Variants in SMARCA5 observed in about 807,000 individuals in gnomAD.
SMARCA5 encodes the protein SNF2 related chromatin remodeling ATPase 5.
In SMARCA5, 18 loss-of-function variants were observed where a neutral mutation model predicts 140.4. The observed-to-expected ratio is 0.13, with a 90% CI of 0.09 to 0.19. The LOEUF (loss-of-function observed/expected upper bound fraction) is 0.19. SMARCA5 is among the 10% of genes least tolerant of loss of function. The pLI is 1.00. For synonymous variants in SMARCA5, 449 were observed against 419.6 expected, an observed-to-expected ratio of 1.07 and a Z score of -0.86; for missense variants, 606 against 1,276.8, an observed-to-expected ratio of 0.47 and a Z score of 8.01.
chr4:143,546,057 T>G lies in SMARCA5; in HGVS notation c.2520+10T>G, dbSNP rs1426925500. 1 of 1,583,242 alleles carries G rather than the reference T, an allele frequency of 6.3e-7. No homozygotes were observed. The highest frequency in any genetic ancestry group is 1.2e-5 in the South Asian group (1 of 86,106). ...GAAGCTTCTAACACAGGTATAGCCT[T>G]TAATCAGTACAAACTTTAGTAACAG... On this transcript the variant is annotated intron_variant, in intron 19 of 23. Transcript: ENST00000283131.
At position 143,555,016 on chromosome 4, in the gene SMARCA5, A is replaced by T; in HGVS notation, c.*1832A>T. On this transcript the variant is annotated 3_prime_UTR_variant, in exon 24 of 24. Coordinates refer to ENST00000283131, the MANE Select transcript of SMARCA5 (RefSeq NM_003601.4). ...TGGCCAAGTTCACAAATCTGTTTTA[A>T]CCTGTCACTTCCCTGTCACTTCTCT... 1 of 505,966 alleles carries T rather than the reference A, an allele frequency of 2.0e-6. No homozygotes were observed. Among genetic ancestry groups the T allele is most frequent in the Non-Finnish European group, 3.8e-6 (1 of 263,896 alleles). 31.3% of individuals were successfully genotyped at this position (505,966 alleles called of 1,614,324 possible).
intron 19 of SMARCA5, 92 bp from the exon 20 acceptor site, chr4:143,546,684 T>C (rs1244235336): frequency 4.1e-6 from 5 of 1,215,424 alleles, no homozygotes; most frequent in Non-Finnish European, 5.7e-6. Flanking sequence ...CTAGTGAAAA[T>C]TTGTTTTTGT....
rs1261886307 is a variant in SMARCA5, at chr4:143,556,872, TA to T, written c.*3689del. On this transcript the variant is annotated 3_prime_UTR_variant, in exon 24 of 24. Transcript: ENST00000283131. Reference sequence around the variant, plus strand: ...CTTTACAGTAGTTACCAGAAAAGACTATGCTACAAGAACCAAAATTGAAGTA... The same window carrying T: ...CTTTACAGTAGTTACCAGAAAAGACTTGCTACAAGAACCAAAATTGAAGTA... The T allele has an allele frequency of 2.6e-5, 4 of 152,306 alleles. No individual in the cohort carries two copies. The highest frequency in any genetic ancestry group is 9.6e-5 in the African/African-American group (4 of 41,574). 9.4% of individuals were successfully genotyped at this position (152,306 alleles called of 1,614,324 possible).
In SMARCA5 at chr4:143,546,691, T is replaced by G; in HGVS notation, c.2521-85T>G. The G allele has an allele frequency of 2.3e-6, 3 of 1,317,580 alleles. No homozygotes were observed. The South Asian group carries it at 4.5e-5, about 20-fold the overall frequency. The allele number at this position is 1,317,580 out of a possible 1,614,324, so 81.6% of individuals were successfully genotyped here. A position where few individuals can be genotyped will look rare whatever the true frequency, so the allele number is the denominator to read the frequency against. ...TTAATAAACTAGTGAAAATTTGTTT[T>G]TGTAATATTTAGAAGGTTTGCTAAT... On this transcript the variant is annotated intron_variant, in intron 19 of 23. Transcript: ENST00000283131.
Position 143,536,390 on chromosome 4 carries a change from A to G in SMARCA5, c.1269-62A>G. The G allele has an allele frequency of 3.6e-6, 4 of 1,118,706 alleles. No individual in the cohort carries two copies. In the South Asian group the frequency reaches 3.8e-5, roughly 11 times the overall value. 69.3% of individuals were successfully genotyped at this position (1,118,706 alleles called of 1,614,324 possible). ...ATGTGGGGAAGGGGATTAAGTATGTAAAGTGGCAGGGATTGATCAAGGAAC... is the reference window on the plus strand; with the variant it reads ...ATGTGGGGAAGGGGATTAAGTATGTGAAGTGGCAGGGATTGATCAAGGAAC... On this transcript the variant is annotated intron_variant, in intron 10 of 23. Transcript: ENST00000283131.
Position 143,557,397 on chromosome 4 carries a change from GT to G in SMARCA5, c.*4218del, listed in dbSNP as rs1349535618. The G allele has an allele frequency of 7.2e-5, 11 of 152,168 alleles. No individual in the cohort carries two copies. Among genetic ancestry groups the G allele is most frequent in the African/African-American group, 2.7e-4 (11 of 41,444 alleles). The allele number at this position is 152,168 out of a possible 1,614,324, so 9.4% of individuals were successfully genotyped here. A position where few individuals can be genotyped will look rare whatever the true frequency, so the allele number is the denominator to read the frequency against. ...TTTTTGATGTAGACAACCCAAAGGAGTTTTTATGTATATAGATTGTGAATAA... is the reference window on the plus strand; with the variant it reads ...TTTTTGATGTAGACAACCCAAAGGAGTTTTATGTATATAGATTGTGAATAA... On this transcript the variant is annotated 3_prime_UTR_variant, in exon 24 of 24. Transcript: ENST00000283131.
intron 20 of SMARCA5, 24 bp from the exon 21 acceptor site, chr4:143,547,361 G>A: frequency 8.7e-7 from 1 of 1,155,480 alleles, no homozygotes; most frequent in South Asian, 1.3e-5. Flanking sequence ...TAAATGATTT[G>A]TTTACTTTGT....
chr4:143,526,849 G>T (rs1056044944), intron 6 of SMARCA5, among the ~76,000 whole-genome samples: 29 of 151,466 alleles, frequency 1.9e-4, no homozygotes, highest in African/African-American at 6.3e-4. Context: ...GGGCAACAAA[G>T]CAAGACCATC....
intron 16 of SMARCA5, chr4:143,544,267 A>G: frequency 1.0e-5 from 2 of 197,778 alleles, no homozygotes; most frequent in Non-Finnish European, 2.0e-5. Context: ...TTTATTTTAA[A>G]CAGCAGAATT....
chr4:143,531,934 T>C (rs1737195164), intron 9 of SMARCA5, among the ~76,000 whole-genome samples: 1 of 152,212 alleles, frequency 6.6e-6, no homozygotes, highest in Non-Finnish European at 1.5e-5. Flanking sequence ...GTATTCCATC[T>C]TTAACAATCT....
intron 8 of SMARCA5, 138 bp downstream of exon 8, chr4:143,528,852 C>G: frequency 3.1e-6 from 2 of 635,684 alleles, no homozygotes; most frequent in Non-Finnish European, 5.0e-6. Flanking sequence ...CATAGTTAGC[C>G]TGGTGTTATC....
chr4:143,514,431 A>C, intron 1 of SMARCA5: 2 of 271,788 alleles, frequency 7.4e-6, no homozygotes, highest in South Asian at 6.9e-5. Context: ...GACTCCCATA[A>C]TTCCCTCTCC....
At chr4:143,548,775 G>C (rs991010736) in intron 22 of SMARCA5, among the ~76,000 whole-genome samples, 1 of 152,006 alleles carries the variant, frequency 6.6e-6, no homozygotes, top group South Asian at 2.1e-4. Flanking sequence ...AAGTTCTTTA[G>C]TCTTAAGTTT....
chr4:143,529,889 C>CT (rs1035363480), intron 8 of SMARCA5, among the ~76,000 whole-genome samples: 17 of 152,098 alleles, frequency 1.1e-4, no homozygotes, highest in Non-Finnish European at 1.0e-4. Flanking sequence ...TACATTGACA[C>CT]TTTCATTTAC....
At chr4:143,517,463 G>T (rs748291151) in intron 2 of SMARCA5, 34 bp downstream of exon 2, 2 of 1,408,572 alleles carry the variant, frequency 1.4e-6, no homozygotes, top group Admixed American at 2.2e-5. Flanking sequence ...AGTCTATAAG[G>T]AAAACTTTTT....
chr4:143,544,786 A>G lies in SMARCA5; in HGVS notation c.2222A>G (p.Asn741Ser), dbSNP rs373394057. ...IEPPKRERKANYAVDAYFREA... is the reference protein window; with the variant it reads ...IEPPKRERKASYAVDAYFREA... ...CCACCTAAACGAGAAAGAAAAGCCA[A>G]CTATGCCGTTGATGCATATTTCAGG... The change falls in exon 17 of 24, where the codon AAC (asparagine) becomes AGC (serine). Residue 741 changes from asparagine to serine, a missense_variant. Physicochemically the swap from Asn to Ser is conservative, Grantham distance 46 (BLOSUM62 1). Transcript: ENST00000283131. The G allele has an allele frequency of 8.7e-6, 14 of 1,613,446 alleles. No homozygotes were observed. The highest frequency in any genetic ancestry group is 1.2e-5 in the Non-Finnish European group (14 of 1,179,648).
At chr4:143,533,123 C>G (rs1737232923) in intron 9 of SMARCA5, among the ~76,000 whole-genome samples, 1 of 152,098 alleles carries the variant, frequency 6.6e-6, no homozygotes, top group African/African-American at 2.4e-5. Context: ...AATGAGTGAA[C>G]TACTACTACA....
At chr4:143,521,388 T>A in intron 2 of SMARCA5, 41 bp from the exon 3 acceptor site, 1 of 1,466,366 alleles carries the variant, frequency 6.8e-7, no homozygotes, top group Non-Finnish European at 9.4e-7. Context: ...AAGTTTTAAT[T>A]GATACTCTGA....
At chr4:143,536,828 C>T in intron 11 of SMARCA5, 150 bp downstream of exon 11, 1 of 628,126 alleles carries the variant, frequency 1.6e-6, no homozygotes, top group Non-Finnish European at 2.9e-6. Context: ...TGAGCTCTAA[C>T]CCCCACTCCT....
Sources: allele counts gnomAD v4.1 joint callset (sites outside exome capture counted in the v4.1 genomes callset), GRCh38; gene constraint gnomAD v4.1.1; transcripts MANE v1.5; gene names NCBI Gene and HGNC (gene_info 2026-07-23, HGNC 2026-07-21).